CFAP44: variants seen among roughly 807,000 people sequenced by gnomAD.
CFAP44 encodes cilia- and flagella-associated protein 44.
Under a neutral mutation model 216.2 loss-of-function variants are expected in CFAP44, and 134 were observed. The observed-to-expected ratio is 0.62, with a 90% CI of 0.54 to 0.72. CFAP44 has a LOEUF of 0.72. Ranked by LOEUF, CFAP44 falls within the 30% of genes least tolerant of loss-of-function variation. The pLI, the probability that CFAP44 is intolerant of heterozygous loss-of-function variation, is 0.00. For synonymous variants in CFAP44, 700 were observed against 727.6 expected (o/e 0.96, Z 0.61); for missense variants, 2,035 against 2,182.1 (o/e 0.93, Z 1.34).
chr3:113,297,705 CT>C, intron 32 of CFAP44, among the ~76,000 whole-genome samples: 1 of 152,158 alleles, frequency 6.6e-6, no homozygotes, highest in East Asian at 1.9e-4. Flanking sequence ...ATATATTTTA[CT>C]TTTGTTTTTG....
rs1326523837 is a variant in CFAP44, at chr3:113,287,052, G to T, written c.*4505C>A. 1.4e-6 allele frequency: 1 copy of T among 721,200 alleles called. No individual in the cohort carries two copies. Among genetic ancestry groups the T allele is most frequent in the South Asian group, 1.5e-5 (1 of 68,074 alleles). The allele number at this position is 721,200 out of a possible 1,614,324, so 44.7% of individuals were successfully genotyped here. ...TAAGGAGTCCTACCCGTTGAGGTTG[G>T]AGAGGGAAAATAAAGAAGCTGCCAC... On this transcript the variant is annotated 3_prime_UTR_variant, in exon 35 of 35. Transcript: ENST00000393845.
chr3:113,312,055 G>C (rs1410963937), intron 28 of CFAP44, among the ~76,000 whole-genome samples: 1 of 149,296 alleles, frequency 6.7e-6, no homozygotes, highest in African/African-American at 2.5e-5. Context: ...AGTTTTGTGT[G>C]TGTCTGTGTG....
chr3:113,320,828 C>A (rs1950140158), intron 28 of CFAP44, among the ~76,000 whole-genome samples: 1 of 152,016 alleles, frequency 6.6e-6, no homozygotes, highest in Non-Finnish European at 1.5e-5. Context: ...ATATTCTAGC[C>A]ACACTGTCAG....
intron 7 of CFAP44, among the ~76,000 whole-genome samples, chr3:113,408,148 T>C (rs983216078): frequency 1.3e-5 from 2 of 152,150 alleles, no homozygotes; most frequent in East Asian, 3.8e-4. Flanking sequence ...GAAGTCAGGA[T>C]GGATAAAAAT....
intron 1 of CFAP44, among the ~76,000 whole-genome samples, chr3:113,436,329 T>TAC (rs1935241128): frequency 1.3e-5 from 2 of 152,160 alleles, no homozygotes. Context: ...ATTGTTTAGA[T>TAC]ACACACACAC....
At chr3:113,384,022 T>C (rs1258191854) in intron 15 of CFAP44, among the ~76,000 whole-genome samples, 2 of 152,078 alleles carry the variant, frequency 1.3e-5, no homozygotes, top group Non-Finnish European at 2.9e-5. Flanking sequence ...GTTCCTGTGT[T>C]AGTTTGCTGA....
At chr3:113,420,899 A>G (rs182824946) in intron 4 of CFAP44, among the ~76,000 whole-genome samples, 274 of 152,262 alleles carry the variant, frequency 1.8e-3, no homozygotes, top group African/African-American at 6.3e-3. Flanking sequence ...GCTTATTAGT[A>G]TATGTATTGG....
At chr3:113,316,144 T>G (rs1291981772) in intron 28 of CFAP44, among the ~76,000 whole-genome samples, 1 of 152,140 alleles carries the variant, frequency 6.6e-6, no homozygotes, top group African/African-American at 2.4e-5. Flanking sequence ...AACAGAAAGA[T>G]AACAGAAAAA....
intron 19 of CFAP44, among the ~76,000 whole-genome samples, chr3:113,364,999 A>G (rs1390400138): frequency 6.6e-6 from 1 of 152,144 alleles, no homozygotes; most frequent in Non-Finnish European, 1.5e-5. Flanking sequence ...TATTGATTGC[A>G]GCCATAAATT....
At chr3:113,397,822 T>C (rs1005667336) in intron 13 of CFAP44, among the ~76,000 whole-genome samples, 2 of 152,080 alleles carry the variant, frequency 1.3e-5, no homozygotes, top group Non-Finnish European at 2.9e-5. Flanking sequence ...GTTGCTATTG[T>C]TGATTTAGAG....
Position 113,409,336 on chromosome 3 carries a change from T to C in CFAP44, c.674-14A>G, listed in dbSNP as rs372165226. ...TCTCAGTCCCATCTGGAAGGATAAA[T>C]GGAAGCCTAATAAATAAGGACACAT... On this transcript the variant is annotated splice_polypyrimidine_tract_variant and intron_variant, in intron 6 of 34. Coordinates refer to ENST00000393845, the MANE Select transcript of CFAP44 (RefSeq NM_001164496.2). 16 of 1,606,212 alleles carry C rather than the reference T, an allele frequency of 1.0e-5. No homozygotes were observed. The highest frequency in any genetic ancestry group is 1.7e-5 in the Admixed American group (1 of 59,712).
At position 113,288,218 on chromosome 3, in the gene CFAP44, G is replaced by A. The variant is rs977526408; in HGVS notation, c.*3339C>T. 9 of 152,156 alleles carry A rather than the reference G, an allele frequency of 5.9e-5. No homozygotes were observed. The highest frequency in any genetic ancestry group is 2.2e-4 in the African/African-American group (9 of 41,442). 9.4% of individuals were successfully genotyped at this position (152,156 alleles called of 1,614,324 possible). A position where few individuals can be genotyped will look rare whatever the true frequency, so the allele number is the denominator to read the frequency against. The stretch of plus-strand genomic sequence containing the variant: ...ATTTGATAAACAGGGTCCTAGGGAA[G>A]AGTCACTCTGACTGTTTAGGGCAAG... On this transcript the variant is annotated 3_prime_UTR_variant, in exon 35 of 35. Coordinates refer to ENST00000393845, the MANE Select transcript of CFAP44 (RefSeq NM_001164496.2).
intron 27 of CFAP44, 84 bp from the exon 28 acceptor site, chr3:113,326,724 A>G (rs1950192481): frequency 1.5e-5 from 11 of 742,704 alleles, no homozygotes; most frequent in Non-Finnish European, 2.1e-5. Context: ...ATACAAGGTT[A>G]CAGTTTACAA....
Position 113,341,655 on chromosome 3 carries a change from CAAT to C in CFAP44, c.3437+86_3437+88del, listed in dbSNP as rs1576556994. 2.4e-6 allele frequency: 3 copies of C among 1,246,464 alleles called. No homozygotes were observed. The East Asian group carries it at 8.6e-5, about 36-fold the overall frequency. 77.2% of individuals were successfully genotyped at this position (1,246,464 alleles called of 1,614,324 possible). ...TTTCACTTTTGATTTTAAATGATAA[CAAT>C]GTCAATAAATATAAAGATTTTTAAG... On this transcript the variant is annotated intron_variant, in intron 24 of 34. Transcript: ENST00000393845.
At chr3:113,440,765 G>C (rs1935341852) in intron 1 of CFAP44, among the ~76,000 whole-genome samples, 1 of 152,112 alleles carries the variant, frequency 6.6e-6, no homozygotes, top group Non-Finnish European at 1.5e-5. Flanking sequence ...CTGGTGTAAA[G>C]GTCCCTTGTC....
intron 6 of CFAP44, among the ~76,000 whole-genome samples, chr3:113,414,008 G>A (rs547807415): frequency 2.6e-5 from 4 of 152,118 alleles, no homozygotes; most frequent in East Asian, 1.9e-4. Context: ...ATGTTTTTCC[G>A]TTTGTTTGTG....
At chr3:113,427,498 C>CCTG in intron 2 of CFAP44, 159 bp from the exon 3 acceptor site, 3 of 553,360 alleles carry the variant, frequency 5.4e-6, no homozygotes, top group South Asian at 2.8e-5. Context: ...AGTCTTGTAA[C>CCTG]TTTACAAAAT....
intron 15 of CFAP44, among the ~76,000 whole-genome samples, chr3:113,381,506 C>T (rs2107337886): frequency 6.6e-6 from 1 of 152,298 alleles, no homozygotes; most frequent in African/African-American, 2.4e-5. Context: ...CTCAGTTTAA[C>T]AAACGTGGAT....
At position 113,358,873 on chromosome 3, in the gene CFAP44, A is replaced by G. The variant is rs1559922471; in HGVS notation, c.2937T>C (p.Asp979=). The change falls in exon 22 of 35, where the codon GAT becomes GAC. Residue 979 remains aspartate (D), a splice_region_variant and synonymous_variant. Transcript: ENST00000393845. ...LPKHMQFKRT[D]FDVDSQIRAE... ...CACGGATTTGGGAATCTACATCAAA[A>G]TCCTGCAGATAAGAAGATCTGTTCA... 6.5e-7 allele frequency: 1 copy of G among 1,535,732 alleles called. No individual in the cohort carries two copies. Among genetic ancestry groups the G allele is most frequent in the African/African-American group, 1.4e-5 (1 of 72,974 alleles).
Sources: allele counts gnomAD v4.1 joint callset (sites outside exome capture counted in the v4.1 genomes callset), GRCh38; gene constraint gnomAD v4.1.1; transcripts MANE v1.5; gene names NCBI Gene and HGNC (gene_info 2026-07-23, HGNC 2026-07-21).